Variants in ASTN1 observed in about 807,000 individuals in gnomAD.
ASTN1 encodes astrotactin-1.
ASTN1 carries 41 observed loss-of-function variants against 140.7 expected under a neutral mutation model. The observed-to-expected ratio is 0.29, with a 90% CI of 0.23 to 0.38. The LOEUF is 0.38. Ranked by LOEUF, ASTN1 falls within the 10% of genes least tolerant of loss-of-function variation. ASTN1 has a pLI of 1.00. For missense variants in ASTN1, 1,479 were observed against 1,678.8 expected (o/e 0.88, Z 2.08); for synonymous variants, 640 against 652.2 (o/e 0.98, Z 0.29).
chr1:177,100,071 C>G (rs753241584), intron 1 of ASTN1, among the ~76,000 whole-genome samples: 1 of 152,132 alleles, frequency 6.6e-6, no homozygotes, highest in Non-Finnish European at 1.5e-5. Flanking sequence ...GCAGATAGGA[C>G]TTATTCCTAG....
intron 1 of ASTN1, among the ~76,000 whole-genome samples, chr1:177,104,116 C>T (rs535323445): frequency 6.6e-6 from 1 of 152,014 alleles, no homozygotes; most frequent in African/African-American, 2.4e-5. Flanking sequence ...CTCTGCAATG[C>T]CCACCAACAT....
chr1:177,078,541 A>G (rs562856796), intron 1 of ASTN1, among the ~76,000 whole-genome samples: 2 of 152,332 alleles, frequency 1.3e-5, no homozygotes, highest in East Asian at 3.9e-4. Context: ...TTTCCCTCAA[A>G]AAACAACAAG....
intron 21 of ASTN1, 85 bp from the exon 22 acceptor site, chr1:176,869,112 A>T: frequency 2.1e-6 from 2 of 944,224 alleles, no homozygotes; most frequent in South Asian, 6.7e-5. Flanking sequence ...GATCTATATC[A>T]TATAGACATA....
intron 1 of ASTN1, among the ~76,000 whole-genome samples, chr1:177,141,130 C>T (rs183871332): frequency 4.9e-4 from 75 of 152,204 alleles, no homozygotes; most frequent in South Asian, 3.5e-3. Context: ...GCAGGAGAAT[C>T]GCTTGAACCT....
intron 15 of ASTN1, among the ~76,000 whole-genome samples, chr1:176,934,610 A>G (rs1367912574): frequency 6.6e-6 from 1 of 151,622 alleles, no homozygotes; most frequent in Non-Finnish European, 1.5e-5. Context: ...CCTTTAAATC[A>G]ATGTGTTTTT....
chr1:176,865,316 C>T (rs535639891), intron 22 of ASTN1, among the ~76,000 whole-genome samples: 2 of 152,278 alleles, frequency 1.3e-5, no homozygotes, highest in African/African-American at 4.8e-5. Flanking sequence ...AGTGAACCCC[C>T]TGGGCCAGAG....
chr1:176,867,218 C>A (rs1490684196), intron 22 of ASTN1, among the ~76,000 whole-genome samples: 2 of 151,960 alleles, frequency 1.3e-5, no homozygotes, highest in Admixed American at 1.3e-4. Context: ...ATGATATATG[C>A]AATGTTAGTG....
At chr1:177,139,480 C>A (rs1451671295) in intron 1 of ASTN1, among the ~76,000 whole-genome samples, 4 of 152,066 alleles carry the variant, frequency 2.6e-5, no homozygotes. Context: ...CATATAAGTC[C>A]TGAACAGAAG....
intron 1 of ASTN1, among the ~76,000 whole-genome samples, chr1:177,153,190 A>T (rs1292048185): frequency 6.6e-6 from 1 of 152,118 alleles, no homozygotes; most frequent in South Asian, 2.1e-4. Context: ...TTGCTCTATT[A>T]GTTCCCTCTA....
At chr1:177,073,653 T>A (rs1056052836) in intron 1 of ASTN1, among the ~76,000 whole-genome samples, 1 of 150,050 alleles carries the variant, frequency 6.7e-6, no homozygotes, top group African/African-American at 2.5e-5. Flanking sequence ...CTTACTTTTC[T>A]GTGCATGTTC....
chr1:177,107,497 G>C (rs1393636772), intron 1 of ASTN1, among the ~76,000 whole-genome samples: 2 of 152,140 alleles, frequency 1.3e-5, no homozygotes, highest in Non-Finnish European at 1.5e-5. Flanking sequence ...GCTCTGTGCT[G>C]AGGGAGGATG....
At chr1:177,093,392 G>C (rs959875926) in intron 1 of ASTN1, among the ~76,000 whole-genome samples, 3 of 152,062 alleles carry the variant, frequency 2.0e-5, no homozygotes, top group Non-Finnish European at 2.9e-5. Context: ...GCCCATTTCT[G>C]GCACAGGCAG....
At position 176,868,796 on chromosome 1, in the gene ASTN1, C is replaced by T. The variant is rs367850479; in HGVS notation, c.3647+48G>A. 16 of 1,531,192 alleles carry T rather than the reference C, an allele frequency of 1.0e-5. No homozygotes were observed. In the African/African-American group the frequency reaches 1.5e-4, roughly 14 times the overall value. The allele number at this position is 1,531,192 out of a possible 1,614,324, so 94.9% of individuals were successfully genotyped here. ...ATGCAGTATTACGGCACAAGAGGTA[C>T]AAAATTTCAAGAAGTCTTTAAAAGG... On this transcript the variant is annotated intron_variant, in intron 22 of 22. Transcript: ENST00000361833.
intron 9 of ASTN1, among the ~76,000 whole-genome samples, chr1:176,964,862 C>T (rs1200687385): frequency 6.6e-6 from 1 of 152,130 alleles, no homozygotes; most frequent in Non-Finnish European, 1.5e-5. Context: ...CCCAGCCAGG[C>T]ATGTAATATA....
chr1:177,126,779 T>C (rs969593797), intron 1 of ASTN1, among the ~76,000 whole-genome samples: 1 of 152,198 alleles, frequency 6.6e-6, no homozygotes, highest in Non-Finnish European at 1.5e-5. Flanking sequence ...ATTTTTGTGG[T>C]CCTTGCCTTG....
chr1:176,988,338 T>A (rs1043795059), intron 8 of ASTN1, among the ~76,000 whole-genome samples: 2 of 146,888 alleles, frequency 1.4e-5, no homozygotes, highest in Admixed American at 1.4e-4. Flanking sequence ...AAAAAACCTT[T>A]CCTTTTAGAT....
intron 21 of ASTN1, among the ~76,000 whole-genome samples, chr1:176,872,194 C>A (rs1011901740): frequency 1.1e-4 from 16 of 145,290 alleles, no homozygotes; most frequent in Non-Finnish European, 1.8e-4. Flanking sequence ...AATGTCAAAC[C>A]TTTTTTTTTT....
intron 1 of ASTN1, among the ~76,000 whole-genome samples, chr1:177,148,964 A>C (rs890817593): frequency 6.7e-6 from 1 of 149,250 alleles, no homozygotes; most frequent in Admixed American, 6.8e-5. Context: ...TTATAGGCTT[A>C]AGGAAAATAT....
chr1:176,949,241 C>T lies in ASTN1; in HGVS notation c.1998G>A (p.Gln666=). The change falls in exon 12 of 23, where the codon CAG becomes CAA. Residue 666 remains glutamine (Q), a synonymous_variant. Transcript: ENST00000361833. ...GGTCGTCCGGGAAGGGCGCCATCTG[C>T]TGGAGGCACAGCTGCTCACAGCCGC... ...FNGGCEQLCL[Q]QMAPFPDDPT... is the part of the protein sequence containing the mutation. 6.2e-7 allele frequency: 1 copy of T among 1,614,130 alleles called. No individual in the cohort carries two copies. Among genetic ancestry groups the T allele is most frequent in the Non-Finnish European group, 8.5e-7 (1 of 1,180,030 alleles).
Sources: gnomAD v4.1 joint callset for allele counts (sites outside exome capture counted in the v4.1 genomes callset) on GRCh38, gnomAD v4.1.1 for gene constraint, MANE v1.5 for transcripts, NCBI Gene and HGNC (gene_info 2026-07-23, HGNC 2026-07-21) for gene names.